Variants in SLC5A4 observed in about 807,000 individuals in gnomAD.
SLC5A4 encodes solute carrier family 5 member 4, also known as probable glucose sensor protein SLC5A4.
A neutral mutation model predicts 70.3 loss-of-function variants in SLC5A4; 55 were observed. The ratio of observed to expected loss-of-function variants is 0.78; its 90% CI spans 0.63 to 0.98. The LOEUF (loss-of-function observed/expected upper bound fraction) is 0.98. Among genes scored for constraint, SLC5A4 ranks in the 50% least tolerant of loss-of-function variants. SLC5A4 has a pLI of 0.00. For missense variants in SLC5A4, 735 were observed against 839.2 expected, an observed-to-expected ratio of 0.88 and a Z score of 1.53; for synonymous variants, 268 against 305.7, an observed-to-expected ratio of 0.88 and a Z score of 1.29.
chr22:32,320,261 A>T, the SLC5A4 span, among the ~76,000 whole-genome samples: 3 of 152,170 alleles, frequency 2.0e-5, no homozygotes, highest in Non-Finnish European at 4.4e-5. Context: ...TTTCTGCTTC[A>T]CTGCTGGTGG....
At chr22:32,343,979 A>G in the SLC5A4 span, among the ~76,000 whole-genome samples, 1 of 152,208 alleles carries the variant, frequency 6.6e-6, no homozygotes, top group African/African-American at 2.4e-5. Flanking sequence ...AGTTGTAAGA[A>G]AATGCTTAGC....
At chr22:32,262,886 C>A in the SLC5A4 span, among the ~76,000 whole-genome samples, 2 of 152,000 alleles carry the variant, frequency 1.3e-5, no homozygotes, top group East Asian at 3.9e-4. Flanking sequence ...TCTCCTGCCT[C>A]AGCCTCGCGA....
At chr22:32,304,648 C>G in the SLC5A4 span, among the ~76,000 whole-genome samples, 1 of 152,160 alleles carries the variant, frequency 6.6e-6, no homozygotes. Context: ...GCAGCTGTGT[C>G]TTTTTGCAAA....
In SLC5A4 at chr22:32,247,410, C is replaced by T. The variant is rs200974527; in HGVS notation, c.477+1G>A. On this transcript the variant is annotated splice_donor_variant, in intron 5 of 14. Transcript: ENST00000266086. LOFTEE classifies it high-confidence loss of function. ...AAAATGCCAGGAGGCTCTGAACTCA[C>T]AGAAATTAACAAAACCACACAGATG... 6.2e-7 allele frequency: 1 copy of T among 1,604,426 alleles called. No individual in the cohort carries two copies. The highest frequency in any genetic ancestry group is 1.1e-5 in the South Asian group (1 of 90,876).
At chr22:32,332,966 C>T in the SLC5A4 span, among the ~76,000 whole-genome samples, 1 of 152,170 alleles carries the variant, frequency 6.6e-6, no homozygotes, top group Non-Finnish European at 1.5e-5. Context: ...AAGCGTTTTT[C>T]AAATCCATTC....
At chr22:32,262,555 G>T in the SLC5A4 span, among the ~76,000 whole-genome samples, 1 of 152,148 alleles carries the variant, frequency 6.6e-6, no homozygotes, top group Non-Finnish European at 1.5e-5. Flanking sequence ...CTTCTTTATC[G>T]ACAAGTTTTT....
chr22:32,246,828 CA>C (rs1926859174), intron 5 of SLC5A4, among the ~76,000 whole-genome samples: 1 of 151,754 alleles, frequency 6.6e-6, no homozygotes. Context: ...GCACCAGGCC[CA>C]AAAAAATGTA....
Position 32,253,347 on chromosome 22 carries a change from C to T in SLC5A4, c.207+795G>A, listed in dbSNP as rs116530240. Among the ~76,000 whole-genome samples, 504 of 152,340 alleles carry T rather than the reference C, an allele frequency of 3.3e-3. 2 individuals carry two copies. Among genetic ancestry groups the T allele is most frequent in the African/African-American group, 0.012 (480 of 41,578 alleles). On this transcript the variant is annotated intron_variant, in intron 2 of 14. Transcript: ENST00000266086. ...CACCCACTGGGCAAGAATCAAGAGG[C>T]ATCAGCATTAGCACCATCACAGGGA...
the SLC5A4 span, among the ~76,000 whole-genome samples, chr22:32,331,009 GGGCTCTGGTGTGTGTGTGTGTTGGA>G: frequency 8.2e-3 from 1,020 of 124,796 alleles, no homozygotes; most frequent in Middle Eastern, 0.021. Context: ...TGTGTGTTGG[GGGCTCTGGTGTGTGTGTGTGTTGGA>G]GGCTCTGGTG....
intron 1 of SLC5A4, among the ~76,000 whole-genome samples, chr22:32,254,869 C>T (rs1294142729): frequency 2.6e-5 from 4 of 151,944 alleles, no homozygotes; most frequent in African/African-American, 9.7e-5. Context: ...AATGAAGAGT[C>T]CAACTCACTA....
the SLC5A4 span, among the ~76,000 whole-genome samples, chr22:32,326,964 C>A: frequency 6.6e-6 from 1 of 152,200 alleles, no homozygotes; most frequent in African/African-American, 2.4e-5. Context: ...ACCCCCGCAG[C>A]CTCCAGCAGG....
the SLC5A4 span, among the ~76,000 whole-genome samples, chr22:32,280,442 C>T: frequency 1.3e-5 from 2 of 152,156 alleles, no homozygotes; most frequent in African/African-American, 2.4e-5. Flanking sequence ...CATAGAGCTC[C>T]TTCCTGTCAC....
the SLC5A4 span, chr22:32,270,875 C>G: frequency 6.7e-5 from 37 of 553,210 alleles, no homozygotes; most frequent in Non-Finnish European, 1.1e-4. Flanking sequence ...CCCGCTGCAC[C>G]ATCAGCCCAA....
At chr22:32,270,446 A>C in the SLC5A4 span, 1 of 1,178,246 alleles carries the variant, frequency 8.5e-7, no homozygotes, top group East Asian at 2.4e-5. Context: ...AAGGAGGAGA[A>C]AGAGAATCCC....
chr22:32,234,723 AAC>A (rs1450175208), intron 8 of SLC5A4, 148 bp downstream of exon 8: 3 of 687,004 alleles, frequency 4.4e-6, no homozygotes, highest in Non-Finnish European at 5.0e-6. Flanking sequence ...AAAAAACAAA[AAC>A]AGAGAAGGGT....
rs1925259663 is a variant in SLC5A4 at position 32,224,195 on chromosome 22, C to T, written c.1665+72G>A. 10 of 1,179,424 alleles carry T rather than the reference C, an allele frequency of 8.5e-6. No individual in the cohort carries two copies. In the Admixed American group the frequency reaches 1.1e-4, roughly 13 times the overall value. 73.1% of individuals were successfully genotyped at this position (1,179,424 alleles called of 1,614,324 possible). A position where few individuals can be genotyped will look rare whatever the true frequency, so the allele number is the denominator to read the frequency against. ...TTGGCCTCCCAAAGTGCTGGGATTA[C>T]AGGCGTGAGCCACTGCGCCCGGCCA... On this transcript the variant is annotated intron_variant, in intron 13 of 14. Transcript: ENST00000266086.
the SLC5A4 span, among the ~76,000 whole-genome samples, chr22:32,266,514 G>A: frequency 6.6e-6 from 1 of 152,154 alleles, no homozygotes; most frequent in Non-Finnish European, 1.5e-5. Flanking sequence ...AATACAGAGA[G>A]TAATATTAAT....
chr22:32,319,704 A>G, the SLC5A4 span, among the ~76,000 whole-genome samples: 1 of 152,316 alleles, frequency 6.6e-6, no homozygotes, highest in South Asian at 2.1e-4. Context: ...TGAATCCCTG[A>G]TCTCCTTTAA....
At position 32,225,702 on chromosome 22, in the gene SLC5A4, C is replaced by T. The variant is rs1925354331; in HGVS notation, c.1402G>A (p.Ala468Thr). ...SISSYLGPPI[A>T]AVFVLAIFCK... ...AAGATGGCAAGCACAAAGACAGCTGCAATTGGAGGCCCAAGGTAGCTAGAA... is the reference window on the plus strand; with the variant it reads ...AAGATGGCAAGCACAAAGACAGCTGTAATTGGAGGCCCAAGGTAGCTAGAA... Residue 468 changes from alanine (A) to threonine (T), a missense_variant, in exon 12 of 15, where the codon GCA becomes ACA. Ala to Thr is a moderately conservative substitution (Grantham distance 58). Coordinates refer to ENST00000266086, the MANE Select transcript of SLC5A4 (RefSeq NM_014227.3). The T allele has an allele frequency of 6.2e-7, 1 of 1,613,388 alleles. No homozygotes were observed. Among genetic ancestry groups the T allele is most frequent in the Non-Finnish European group, 8.5e-7 (1 of 1,179,562 alleles).
Sources: allele counts gnomAD v4.1 joint callset (sites outside exome capture counted in the v4.1 genomes callset), GRCh38; gene constraint gnomAD v4.1.1; transcripts MANE v1.5; gene names NCBI Gene and HGNC (gene_info 2026-07-23, HGNC 2026-07-21).